The following RPS5 variants were observed in gnomAD, a reference collection of about 807,000 sequenced individuals.
RPS5 encodes small ribosomal subunit protein uS7.
In RPS5, 2 loss-of-function variants were observed where a neutral mutation model predicts 20.9. The observed-to-expected ratio is 0.10, with a 90% CI of 0.04 to 0.30. The LOEUF is 0.30. Among genes scored for constraint, RPS5 ranks in the 10% least tolerant of loss-of-function variants. The pLI is 1.00. For synonymous variants in RPS5, 112 were observed against 105.8 expected (o/e 1.06, Z -0.36); for missense variants, 122 against 287.2 (o/e 0.42, Z 4.16).
rs1599932283 is a variant in RPS5, at chr19:58,388,197, T to C, written c.60T>C (p.Phe20=). 15 of 1,613,228 alleles carry C rather than the reference T, an allele frequency of 9.3e-6. No homozygotes were observed. The highest frequency in any genetic ancestry group is 1.3e-5 in the African/African-American group (1 of 74,918). The change falls in exon 2 of 6, where the codon TTT becomes TTC. Residue 20 remains phenylalanine, a synonymous_variant. Coordinates refer to ENST00000196551, the MANE Select transcript of RPS5 (RefSeq NM_001009.4). Reference sequence around the variant, plus strand: ...CAGAGACCCCAGACATCAAGCTCTTTGGGAAGTGGAGCACCGATGATGTGC... The same window carrying C: ...CAGAGACCCCAGACATCAAGCTCTTCGGGAAGTGGAGCACCGATGATGTGC... ...AVAETPDIKL[F]GKWSTDDVQI... is the part of the protein sequence containing the mutation.
intron 2 of RPS5, among the ~76,000 whole-genome samples, chr19:58,392,504 A>C (rs1232006856): frequency 1.3e-5 from 2 of 151,978 alleles, no homozygotes; most frequent in East Asian, 3.9e-4. Flanking sequence ...AGGCCCCTAT[A>C]ATCCTAGCTA....
chr19:58,389,531 T>G (rs2052349853), intron 2 of RPS5, among the ~76,000 whole-genome samples: 1 of 152,256 alleles, frequency 6.6e-6, no homozygotes, highest in South Asian at 2.1e-4. Context: ...AGCCTTGTTT[T>G]TCACTCTGAA....
intron 1 of RPS5, 43 bp from the exon 2 acceptor site, chr19:58,388,094 A>T: frequency 7.2e-7 from 1 of 1,398,552 alleles, no homozygotes; most frequent in Non-Finnish European, 1.0e-6. Flanking sequence ...GCTCCATGCT[A>T]GCTGAGCTCT....
At chr19:58,390,218 G>C (rs1474318469) in intron 2 of RPS5, among the ~76,000 whole-genome samples, 1 of 148,940 alleles carries the variant, frequency 6.7e-6, no homozygotes. Context: ...TTGTGAGACA[G>C]AGTCTCTCTC....
At chr19:58,391,524 A>C (rs2052363627) in intron 2 of RPS5, among the ~76,000 whole-genome samples, 1 of 151,872 alleles carries the variant, frequency 6.6e-6, no homozygotes, top group South Asian at 2.1e-4. Flanking sequence ...AATTGCTTCA[A>C]CCCAGGAGGT....
intron 1 of RPS5, 70 bp from the exon 2 acceptor site, chr19:58,388,067 G>A: frequency 2.9e-6 from 3 of 1,046,588 alleles, no homozygotes; most frequent in Non-Finnish European, 4.4e-6. Flanking sequence ...CTCAGAGTTG[G>A]GAATGAGTGC....
In RPS5 at chr19:58,388,636, G is replaced by GTTTTTTT. The variant is rs3048304; in HGVS notation, c.108+409_108+415dup. ...ACTTGTCATAAATCAGCTGGCCGTA[G>GTTTTTTT]TTTTTTTTTTTTTTTTTTTTTTTTG... On this transcript the variant is annotated intron_variant, in intron 2 of 5. Coordinates refer to ENST00000196551, the MANE Select transcript of RPS5 (RefSeq NM_001009.4). The GTTTTTTT allele has an allele frequency of 2.5e-4, 53 of 209,878 alleles. 2 individuals carry two copies. The highest frequency in any genetic ancestry group is 2.8e-4 in the East Asian group (4 of 14,412). 13.0% of individuals were successfully genotyped at this position (209,878 alleles called of 1,614,324 possible).
chr19:58,388,031 C>T (rs2052338076), intron 1 of RPS5, 106 bp from the exon 2 acceptor site: 1 of 718,302 alleles, frequency 1.4e-6, no homozygotes, highest in East Asian at 2.7e-5. Context: ...TGCGACCCCC[C>T]AGTTCATCAC....
intron 2 of RPS5, among the ~76,000 whole-genome samples, chr19:58,389,881 C>T (rs1407900590): frequency 2.7e-5 from 4 of 150,846 alleles, no homozygotes; most frequent in Admixed American, 1.3e-4. Flanking sequence ...ATGATCTGCC[C>T]GGCCACATTT....
At chr19:58,388,477 T>TA in intron 2 of RPS5, 1 of 565,360 alleles carries the variant, frequency 1.8e-6, no homozygotes. Context: ...ACATCTCACA[T>TA]ATGGTATTTT....
intron 1 of RPS5, chr19:58,387,855 T>C: frequency 2.2e-6 from 1 of 460,670 alleles, no homozygotes; most frequent in Non-Finnish European, 4.0e-6. Context: ...TGAGGACGTA[T>C]GGCATCTGCT....
At chr19:58,391,028 G>A (rs1442539839) in intron 2 of RPS5, among the ~76,000 whole-genome samples, 7 of 152,190 alleles carry the variant, frequency 4.6e-5, no homozygotes, top group African/African-American at 1.7e-4. Context: ...AGTCTCCTTC[G>A]AATGCACATA....
At chr19:58,394,238 C>G in intron 4 of RPS5, 2 of 477,992 alleles carry the variant, frequency 4.2e-6, no homozygotes, top group Non-Finnish European at 7.7e-6. Flanking sequence ...GCCACCGTGC[C>G]CGGCCGTCTA....
chr19:58,387,995 C>T, intron 1 of RPS5, 142 bp from the exon 2 acceptor site: 1 of 614,398 alleles, frequency 1.6e-6, no homozygotes, highest in Non-Finnish European at 2.9e-6. Context: ...TGCTTGAAAA[C>T]ACGTTCACGG....
At chr19:58,388,032 A>G in intron 1 of RPS5, 105 bp from the exon 2 acceptor site, 1 of 721,594 alleles carries the variant, frequency 1.4e-6, no homozygotes, top group Non-Finnish European at 2.4e-6. Flanking sequence ...GCGACCCCCC[A>G]GTTCATCACT....
chr19:58,393,668 G>A (rs1305383279), intron 4 of RPS5, 181 bp downstream of exon 4: 1 of 691,882 alleles, frequency 1.4e-6, no homozygotes, highest in Non-Finnish European at 2.3e-6. Context: ...GGTCCTCTTC[G>A]GGAACACATT....
intron 2 of RPS5, 36 bp from the exon 3 acceptor site, chr19:58,392,940 C>T: frequency 6.2e-7 from 1 of 1,602,242 alleles, no homozygotes; most frequent in South Asian, 1.1e-5. Context: ...TGCTCCTGAC[C>T]ATTTTCCCTT....
intron 2 of RPS5, 147 bp downstream of exon 2, chr19:58,388,392 C>T: frequency 1.5e-6 from 1 of 645,848 alleles, no homozygotes; most frequent in Non-Finnish European, 2.8e-6. Flanking sequence ...ACATCTACCA[C>T]ATCTGCTCTT....
In RPS5 at chr19:58,393,094, T is replaced by C; in HGVS notation, c.227T>C (p.Met76Thr). 2 of 1,614,212 alleles carry C rather than the reference T, an allele frequency of 1.2e-6. No individual in the cohort carries two copies. The highest frequency in any genetic ancestry group is 2.2e-5 in the East Asian group (1 of 44,884). The change falls in exon 3 of 6, where the codon ATG (methionine) becomes ACG (threonine). Residue 76 changes from methionine to threonine, a missense_variant. Coordinates refer to ENST00000196551, the MANE Select transcript of RPS5 (RefSeq NM_001009.4). ...CPIVERLTNS[M>T]MMHGRNNGKK... ...ATTGTGGAGCGCCTCACTAACTCCA[T>C]GATGATGCACGGCCGCAACAACGGC... is the stretch of plus-strand genomic sequence containing the variant.
Sources: gnomAD v4.1 joint callset for allele counts (sites outside exome capture counted in the v4.1 genomes callset) on GRCh38, gnomAD v4.1.1 for gene constraint, MANE v1.5 for transcripts, NCBI Gene and HGNC (gene_info 2026-07-23, HGNC 2026-07-21) for gene names.